KCNH5: variants seen among roughly 807,000 people sequenced by gnomAD.
The protein encoded by KCNH5 is potassium voltage-gated channel subfamily H member 5, also known as voltage-gated delayed rectifier potassium channel KCNH5.
KCNH5 carries 46 observed loss-of-function variants against 96.1 expected under a neutral mutation model. The ratio of observed to expected loss-of-function variants is 0.48; its 90% CI spans 0.38 to 0.61. KCNH5 has a LOEUF of 0.61. Ranked by LOEUF, KCNH5 falls within the 20% of genes least tolerant of loss-of-function variation. The pLI is 0.00. For missense variants in KCNH5, 907 were observed against 1,225.8 expected (o/e 0.74, Z 3.88); for synonymous variants, 439 against 449.8 (o/e 0.98, Z 0.30).
At chr14:62,831,961 C>T (rs1380511381) in intron 8 of KCNH5, among the ~76,000 whole-genome samples, 1 of 152,144 alleles carries the variant, frequency 6.6e-6, no homozygotes, top group African/African-American at 2.4e-5. Flanking sequence ...AATCCTCCCA[C>T]CTTGGCCTCC....
intron 7 of KCNH5, among the ~76,000 whole-genome samples, chr14:62,875,079 C>A (rs1219313691): frequency 3.9e-5 from 5 of 129,612 alleles, no homozygotes; most frequent in Admixed American, 2.6e-4. Context: ...CATGAGTGAA[C>A]TCCCATTCAC....
chr14:63,027,349 T>A (rs939740556), intron 1 of KCNH5, among the ~76,000 whole-genome samples: 3 of 151,876 alleles, frequency 2.0e-5, no homozygotes, highest in African/African-American at 4.8e-5. Flanking sequence ...GTGTTCTCAC[T>A]GCAAAAAATA....
chr14:62,807,641 C>T (rs1423161421), intron 8 of KCNH5, among the ~76,000 whole-genome samples: 2 of 151,992 alleles, frequency 1.3e-5, no homozygotes, highest in African/African-American at 4.8e-5. Flanking sequence ...GACCTGGGGA[C>T]ATGTGGAATT....
intron 2 of KCNH5, among the ~76,000 whole-genome samples, chr14:63,013,819 T>C (rs1891274897): frequency 6.6e-6 from 1 of 152,152 alleles, no homozygotes; most frequent in African/African-American, 2.4e-5. Context: ...CAACATATGA[T>C]GTAGCTAAAC....
chr14:62,802,657 T>C, intron 8 of KCNH5, 76 bp from the exon 9 acceptor site: 1 of 1,518,526 alleles, frequency 6.6e-7, no homozygotes, highest in Non-Finnish European at 9.0e-7. Flanking sequence ...ATCCAACAAA[T>C]ATTTATTGAC....
At chr14:62,986,539 A>C (rs185875135) in intron 5 of KCNH5, among the ~76,000 whole-genome samples, 87 of 152,222 alleles carry the variant, frequency 5.7e-4, no homozygotes, top group African/African-American at 2.1e-3. Context: ...ACTAGCTCTC[A>C]CATTTTCCCT....
At chr14:62,986,395 A>C (rs776956974) in intron 5 of KCNH5, among the ~76,000 whole-genome samples, 7 of 152,132 alleles carry the variant, frequency 4.6e-5, no homozygotes, top group Non-Finnish European at 8.8e-5. Flanking sequence ...ACTATATGCC[A>C]CCCTACCTTC....
In KCNH5 at chr14:62,700,725, G is replaced by C. The variant is rs552655183; in HGVS notation, c.*6783C>G. On this transcript the variant is annotated 3_prime_UTR_variant, in exon 11 of 11. Transcript: ENST00000322893. ...TGTTGTGATTTTGCATAGTTTACTA[G>C]CTAGGTATTCTTCCTGTTTGCAGTC... 1 of 152,210 alleles carries C rather than the reference G, an allele frequency of 6.6e-6. No homozygotes were observed. The highest frequency in any genetic ancestry group is 2.4e-5 in the African/African-American group (1 of 41,540). The allele number at this position is 152,210 out of a possible 1,614,324, so 9.4% of individuals were successfully genotyped here.
In KCNH5 at chr14:62,766,541, T is replaced by A. The variant is rs141875207; in HGVS notation, c.2019+13187A>T. Among the ~76,000 whole-genome samples, 32 of 152,246 alleles carry A rather than the reference T, an allele frequency of 2.1e-4. No individual in the cohort carries two copies. The East Asian group carries it at 5.4e-3, about 26-fold the overall frequency. On this transcript the variant is annotated intron_variant, in intron 10 of 10. Coordinates refer to ENST00000322893, the MANE Select transcript of KCNH5 (RefSeq NM_139318.5). The stretch of plus-strand genomic sequence containing the variant: ...GTCATTTGCAAAACCATGGTTGGAA[T>A]TGGAGATCATTATGTTAAATGAAGC...
rs67304113 is a variant in KCNH5, at chr14:62,709,232, C to CAAAAAAAAAAAAAA, written c.2020-791_2020-778dup. Among the ~76,000 whole-genome samples, 92 of 71,570 alleles carry CAAAAAAAAAAAAAA rather than the reference C, an allele frequency of 1.3e-3. 3 individuals carry two copies. Among genetic ancestry groups the CAAAAAAAAAAAAAA allele is most frequent in the African/African-American group, 3.1e-3 (62 of 19,716 alleles). 47.0% of individuals were successfully genotyped at this position (71,570 alleles called of 152,430 possible). A position where few individuals can be genotyped will look rare whatever the true frequency, so the allele number is the denominator to read the frequency against. Reference sequence around the variant, plus strand: ...TGGGCGACAGAACGAGACTCCTTCTCAAAAAAAAAAAAAAAAAAAAAAAAA... The same window carrying CAAAAAAAAAAAAAA: ...TGGGCGACAGAACGAGACTCCTTCTCAAAAAAAAAAAAAAAAAAAAAAAAAAAAAAAAAAAAAAA... On this transcript the variant is annotated intron_variant, in intron 10 of 10. Transcript: ENST00000322893.
chr14:62,927,088 T>C (rs1889490588), intron 7 of KCNH5, among the ~76,000 whole-genome samples: 1 of 152,128 alleles, frequency 6.6e-6, no homozygotes, highest in African/African-American at 2.4e-5. Flanking sequence ...GGCAAAGAAC[T>C]TGAATAGACC....
At chr14:62,893,449 A>G (rs1888750338) in intron 7 of KCNH5, among the ~76,000 whole-genome samples, 1 of 152,204 alleles carries the variant, frequency 6.6e-6, no homozygotes. Flanking sequence ...AAATGATAAC[A>G]TAAGATTTAG....
At chr14:62,729,244 A>G (rs998996787) in intron 10 of KCNH5, among the ~76,000 whole-genome samples, 1 of 152,192 alleles carries the variant, frequency 6.6e-6, no homozygotes, top group Admixed American at 6.5e-5. Flanking sequence ...AGCTTGATTA[A>G]TAACACTTTT....
At chr14:63,022,805 C>T (rs1358504379) in intron 1 of KCNH5, among the ~76,000 whole-genome samples, 1 of 152,158 alleles carries the variant, frequency 6.6e-6, no homozygotes, top group Non-Finnish European at 1.5e-5. Flanking sequence ...CTTTCCCTGA[C>T]TGCTGATGAG....
intron 10 of KCNH5, among the ~76,000 whole-genome samples, chr14:62,767,815 A>G (rs115300585): frequency 0.018 from 2,799 of 152,274 alleles, 72 homozygotes; most frequent in African/African-American, 0.065. Flanking sequence ...AACCTAAAAT[A>G]AAAGTCAATA....
intron 1 of KCNH5, among the ~76,000 whole-genome samples, chr14:63,020,822 TAA>T (rs1416646776): frequency 6.6e-6 from 1 of 152,122 alleles, no homozygotes; most frequent in Non-Finnish European, 1.5e-5. Flanking sequence ...GGACAATGGA[TAA>T]CTCCGTCTGA....
chr14:63,036,840 A>T, intron 1 of KCNH5, among the ~76,000 whole-genome samples: 1 of 152,146 alleles, frequency 6.6e-6, no homozygotes, highest in African/African-American at 2.4e-5. Flanking sequence ...TAGCTATAAG[A>T]TGAATGGTGG....
chr14:62,877,984 G>A (rs1160452719), intron 7 of KCNH5, among the ~76,000 whole-genome samples: 1 of 151,760 alleles, frequency 6.6e-6, no homozygotes, highest in Non-Finnish European at 1.5e-5. Flanking sequence ...AGAAAATGTG[G>A]CACATATACA....
Position 62,707,686 on chromosome 14 carries a change from G to A in KCNH5, c.2789C>T (p.Ala930Val), listed in dbSNP as rs562140660. 1.7e-5 allele frequency: 27 copies of A among 1,595,298 alleles called. No individual in the cohort carries two copies. In the African/African-American group the frequency reaches 2.7e-4, roughly 16 times the overall value. ...DIQLLSCRMT[A>V]LEKQVAEILK... ...AATTTCTGCCACCTGCTTTTCTAGG[G>A]CAGTCATTCTGCAGCTGAGCAGCTG... is the stretch of plus-strand genomic sequence containing the variant. Residue 930 changes from alanine to valine, a missense_variant, in exon 11 of 11, where the codon GCC (alanine) becomes GTC (valine). Transcript: ENST00000322893.
Sources: allele counts gnomAD v4.1 joint callset (sites outside exome capture counted in the v4.1 genomes callset), GRCh38; gene constraint gnomAD v4.1.1; transcripts MANE v1.5; gene names NCBI Gene and HGNC (gene_info 2026-07-23, HGNC 2026-07-21).